POU2AF2: variants seen among roughly 807,000 people sequenced by gnomAD.
The protein encoded by POU2AF2 is POU class 2 homeobox associating factor 2.
the POU2AF2 span, among the ~76,000 whole-genome samples, chr11:111,251,032 A>G: frequency 6.6e-6 from 1 of 152,172 alleles, no homozygotes; most frequent in African/African-American, 2.4e-5. Context: ...CAGATCAGGG[A>G]CACAATTGAA....
the POU2AF2 span, among the ~76,000 whole-genome samples, chr11:111,248,689 C>T: frequency 6.6e-5 from 10 of 151,918 alleles, no homozygotes; most frequent in Admixed American, 1.3e-4. Context: ...TCTCTTTATT[C>T]CCTTACGTAA....
the POU2AF2 span, among the ~76,000 whole-genome samples, chr11:111,279,025 G>A: frequency 6.6e-6 from 1 of 152,138 alleles, no homozygotes. Context: ...TAAAGTCACT[G>A]CAAAAGAGCT....
chr11:111,284,181 T>C, the POU2AF2 span: 2 of 1,614,220 alleles, frequency 1.2e-6, no homozygotes, highest in Non-Finnish European at 1.7e-6. Flanking sequence ...ACCTCCAGCG[T>C]GGGGAAGCCG....
chr11:111,274,556 ATG>A, the POU2AF2 span, among the ~76,000 whole-genome samples: 1 of 151,350 alleles, frequency 6.6e-6, no homozygotes, highest in East Asian at 1.9e-4. Flanking sequence ...GTGTGTGTGC[ATG>A]TGTGTGTGTA....
At chr11:111,276,453 A>AAT in the POU2AF2 span, among the ~76,000 whole-genome samples, 111 of 37,602 alleles carry the variant, frequency 3.0e-3, 3 homozygotes, top group Middle Eastern at 0.014. Context: ...AAAAAAAAAA[A>AAT]ATATATATAT....
the POU2AF2 span, among the ~76,000 whole-genome samples, chr11:111,270,782 C>T: frequency 6.6e-6 from 1 of 152,156 alleles, no homozygotes. Flanking sequence ...CAGCAGTCCT[C>T]AGCACCTATG....
chr11:111,246,776 C>T, the POU2AF2 span, among the ~76,000 whole-genome samples: 4 of 152,240 alleles, frequency 2.6e-5, no homozygotes, highest in South Asian at 6.2e-4. Flanking sequence ...TATAGTGAAA[C>T]AGATTAATAT....
the POU2AF2 span, among the ~76,000 whole-genome samples, chr11:111,255,117 T>C: frequency 5.2e-4 from 79 of 152,366 alleles, 1 homozygote; most frequent in South Asian, 1.5e-3. Context: ...GGAAACGTTT[T>C]ACTCTATAGT....
the POU2AF2 span, among the ~76,000 whole-genome samples, chr11:111,250,955 G>A: frequency 6.6e-6 from 1 of 152,200 alleles, no homozygotes; most frequent in East Asian, 1.9e-4. Flanking sequence ...ACAGGGTCAT[G>A]TAAAGCCATT....
chr11:111,264,564 GAAAGAAAGAAAGGGA>G, the POU2AF2 span, among the ~76,000 whole-genome samples: 2 of 46,062 alleles, frequency 4.3e-5, 1 homozygote, highest in Non-Finnish European at 8.8e-5. Context: ...AAGAAAGAAA[GAAAGAAAGAAAGGGA>G]GAGAGAAAGA....
the POU2AF2 span, among the ~76,000 whole-genome samples, chr11:111,267,666 T>G: frequency 6.6e-6 from 1 of 152,164 alleles, no homozygotes. Context: ...CTGAGCCCAG[T>G]GAAACATAGA....
the POU2AF2 span, among the ~76,000 whole-genome samples, chr11:111,265,168 G>A: frequency 6.6e-6 from 1 of 152,138 alleles, no homozygotes; most frequent in African/African-American, 2.4e-5. Context: ...AATTTTGTCT[G>A]CAGCATAGAG....
the POU2AF2 span, among the ~76,000 whole-genome samples, chr11:111,260,769 C>A: frequency 6.6e-6 from 1 of 152,202 alleles, no homozygotes; most frequent in Non-Finnish European, 1.5e-5. Flanking sequence ...TTTAACCCAC[C>A]CTGTTTGTGA....
the POU2AF2 span, among the ~76,000 whole-genome samples, chr11:111,268,512 ATTTTATTTTATTTTATTTTATTTTATT>A: frequency 2.1e-5 from 2 of 93,200 alleles, no homozygotes; most frequent in Admixed American, 1.2e-4. Flanking sequence ...ATTTTATTTT[ATTTTATTTTATTTTATTTTATTTTATT>A]TTATTTTATT....
the POU2AF2 span, among the ~76,000 whole-genome samples, chr11:111,252,569 T>C: frequency 1.3e-5 from 2 of 151,826 alleles, no homozygotes; most frequent in East Asian, 3.9e-4. Context: ...TCGTAGTAAC[T>C]GGCCATACCA....
At chr11:111,268,477 TTTTTATTTTATTTTATTTTATTTTA>T in the POU2AF2 span, among the ~76,000 whole-genome samples, 5 of 77,528 alleles carry the variant, frequency 6.4e-5, no homozygotes, top group Admixed American at 3.4e-4. Context: ...CATTTTTCTT[TTTTTATTTTATTTTATTTTATTTTA>T]TTTTATTTTA....
At chr11:111,269,573 C>A in the POU2AF2 span, among the ~76,000 whole-genome samples, 4 of 152,036 alleles carry the variant, frequency 2.6e-5, no homozygotes. Flanking sequence ...TTCTTTCATG[C>A]AGCTTGCAAA....
the POU2AF2 span, among the ~76,000 whole-genome samples, chr11:111,278,978 A>C: frequency 6.6e-6 from 1 of 152,204 alleles, no homozygotes; most frequent in African/African-American, 2.4e-5. Flanking sequence ...GAGACTCTAT[A>C]AAATTTCTTC....
the POU2AF2 span, chr11:111,284,295 A>G: frequency 2.2e-5 from 36 of 1,613,420 alleles, no homozygotes; most frequent in Admixed American, 5.0e-5. Context: ...CTGACGCCCA[A>G]CGCGGGCTCT....
Sources: allele counts gnomAD v4.1 joint callset (sites outside exome capture counted in the v4.1 genomes callset), GRCh38; gene constraint gnomAD v4.1.1; transcripts MANE v1.5; gene names NCBI Gene and HGNC (gene_info 2026-07-23, HGNC 2026-07-21).